Variants in CERKL observed in about 807,000 individuals in gnomAD.
CERKL encodes CERK like autophagy regulator.
In CERKL, 61 loss-of-function variants were observed where a neutral mutation model predicts 63.4. The observed-to-expected ratio is 0.96, with a 90% CI of 0.78 to 1.19. CERKL has a LOEUF of 1.19. CERKL is among the 50% of genes most tolerant of loss of function. CERKL has a pLI of 0.00. For missense variants in CERKL, 675 were observed against 655.5 expected, an observed-to-expected ratio of 1.03 and a Z score of -0.33; for synonymous variants, 250 against 230.5, an observed-to-expected ratio of 1.08 and a Z score of -0.77.
In CERKL at chr2:181,538,157, T is replaced by G; in HGVS notation, c.*27A>C. 2 of 1,439,654 alleles carry G rather than the reference T, an allele frequency of 1.4e-6. No homozygotes were observed. The highest frequency in any genetic ancestry group is 2.0e-6 in the Non-Finnish European group (2 of 1,024,260). 89.2% of individuals were successfully genotyped at this position (1,439,654 alleles called of 1,614,324 possible). ...TTCTTTATATTAAAATTCTAGTTTGTACATTTCTTTTAGAAACAATTACAT... is the reference window on the plus strand; with the variant it reads ...TTCTTTATATTAAAATTCTAGTTTGGACATTTCTTTTAGAAACAATTACAT... On this transcript the variant is annotated 3_prime_UTR_variant, in exon 13 of 13. Transcript: ENST00000410087.
intron 1 of CERKL, among the ~76,000 whole-genome samples, chr2:181,633,963 C>G (rs1687070271): frequency 6.6e-6 from 1 of 152,000 alleles, no homozygotes; most frequent in Non-Finnish European, 1.5e-5. Context: ...CTTTCAGGAC[C>G]AATAGACAGA....
At chr2:181,592,705 A>G (rs944453594) in intron 2 of CERKL, among the ~76,000 whole-genome samples, 2 of 152,210 alleles carry the variant, frequency 1.3e-5, no homozygotes, top group Non-Finnish European at 2.9e-5. Context: ...GTGGGGACAG[A>G]CTGCCTGAGT....
chr2:181,638,111 T>A (rs777477964), intron 1 of CERKL, among the ~76,000 whole-genome samples: 9 of 152,170 alleles, frequency 5.9e-5, no homozygotes, highest in African/African-American at 9.7e-5. Flanking sequence ...GCACTTGAAT[T>A]GGAAGTATCA....
In CERKL at chr2:181,609,701, C is replaced by CTAAA. The variant is rs552448585; in HGVS notation, c.239-5626_239-5623dup. ...AGCCTGGGTGACTGAAACTCTGTCT[C>CTAAA]TAAATAAATAAATAAATAAATGAAG... is the stretch of plus-strand genomic sequence containing the variant. On this transcript the variant is annotated intron_variant, in intron 1 of 12. Coordinates refer to ENST00000410087, the MANE Select transcript of CERKL (RefSeq NM_201548.5). Among the ~76,000 whole-genome samples the CTAAA allele has an allele frequency of 3.8e-3, 569 of 151,494 alleles. 4 individuals carry two copies. The highest frequency in any genetic ancestry group is 0.013 in the African/African-American group (527 of 41,272).
At chr2:181,634,793 C>A (rs1687104355) in intron 1 of CERKL, among the ~76,000 whole-genome samples, 1 of 152,104 alleles carries the variant, frequency 6.6e-6, no homozygotes, top group South Asian at 2.1e-4. Context: ...ATGTCCTATA[C>A]CCGCTAGTTA....
chr2:181,584,132 C>T (rs1272969714), intron 2 of CERKL, among the ~76,000 whole-genome samples: 1 of 152,038 alleles, frequency 6.6e-6, no homozygotes, highest in Non-Finnish European at 1.5e-5. Context: ...AATATGGGTG[C>T]CCACTGGAAT....
At chr2:181,565,031 A>G (rs1688603093) in intron 4 of CERKL, among the ~76,000 whole-genome samples, 1 of 152,124 alleles carries the variant, frequency 6.6e-6, no homozygotes, top group South Asian at 2.1e-4. Context: ...TTTACTTACC[A>G]CATTTTCTTT....
At chr2:181,573,475 T>C (rs1221118115) in intron 3 of CERKL, among the ~76,000 whole-genome samples, 1 of 152,166 alleles carries the variant, frequency 6.6e-6, no homozygotes, top group Non-Finnish European at 1.5e-5. Context: ...CATGAAGATG[T>C]AAACAAGTAT....
At chr2:181,600,214 A>G (rs746269345) in intron 2 of CERKL, among the ~76,000 whole-genome samples, 19 of 152,252 alleles carry the variant, frequency 1.2e-4, no homozygotes, top group Non-Finnish European at 2.5e-4. Flanking sequence ...AGTTCTAAAC[A>G]TGGAAACAAA....
chr2:181,604,147 G>A (rs1183673003), intron 1 of CERKL, 68 bp from the exon 2 acceptor site: 5 of 1,300,438 alleles, frequency 3.8e-6, no homozygotes, highest in Non-Finnish European at 5.4e-6. Context: ...AGACACTGGG[G>A]CTTACCAGAG....
At chr2:181,576,030 T>C (rs1010733117) in intron 2 of CERKL, among the ~76,000 whole-genome samples, 3 of 152,160 alleles carry the variant, frequency 2.0e-5, no homozygotes, top group Non-Finnish European at 2.9e-5. Context: ...AGGACGCAGA[T>C]GGAAGACTCA....
chr2:181,572,442 T>C (rs1688945674), intron 3 of CERKL, among the ~76,000 whole-genome samples: 1 of 152,216 alleles, frequency 6.6e-6, no homozygotes, highest in African/African-American at 2.4e-5. Context: ...GTTAAGCTGC[T>C]TTGTAGTATT....
At chr2:181,609,400 A>G (rs1032979102) in intron 1 of CERKL, among the ~76,000 whole-genome samples, 6 of 151,626 alleles carry the variant, frequency 4.0e-5, no homozygotes, top group African/African-American at 1.5e-4. Context: ...AAAATGTTTT[A>G]AAAGCAATGA....
intron 2 of CERKL, among the ~76,000 whole-genome samples, chr2:181,588,004 CTG>C (rs1175506710): frequency 2.0e-5 from 3 of 152,028 alleles, no homozygotes. Context: ...TAAAAATAAA[CTG>C]TATATTTATC....
chr2:181,637,389 C>A (rs1243948181), intron 1 of CERKL, among the ~76,000 whole-genome samples: 2 of 152,132 alleles, frequency 1.3e-5, no homozygotes, highest in African/African-American at 2.4e-5. Context: ...ATCCAAATTT[C>A]TCCAACAGAG....
intron 11 of CERKL, among the ~76,000 whole-genome samples, chr2:181,543,559 G>A (rs1008020128): frequency 1.3e-5 from 2 of 152,148 alleles, no homozygotes; most frequent in Non-Finnish European, 2.9e-5. Context: ...AATATAATGA[G>A]GCAAAAATGG....
chr2:181,537,804 A>C lies in CERKL; in HGVS notation c.*380T>G, dbSNP rs1559064867. 1 of 466,516 alleles carries C rather than the reference A, an allele frequency of 2.1e-6. No homozygotes were observed. The highest frequency in any genetic ancestry group is 2.3e-5 in the Admixed American group (1 of 42,586). The allele number at this position is 466,516 out of a possible 1,614,324, so 28.9% of individuals were successfully genotyped here. A position where few individuals can be genotyped will look rare whatever the true frequency, so the allele number is the denominator to read the frequency against. ...GAATTGATATTTCATCTTGACTTTT[A>C]AAGCCCTAGAGGCTAATTGTTAGTA... is the stretch of plus-strand genomic sequence containing the variant. On this transcript the variant is annotated 3_prime_UTR_variant, in exon 13 of 13. Coordinates refer to ENST00000410087, the MANE Select transcript of CERKL (RefSeq NM_201548.5).
intron 1 of CERKL, among the ~76,000 whole-genome samples, chr2:181,610,982 T>C (rs915888169): frequency 2.6e-5 from 4 of 152,140 alleles, no homozygotes; most frequent in African/African-American, 9.7e-5. Context: ...CCCAGCACTT[T>C]GGGAGGCTGA....
chr2:181,557,399 T>C (rs1452956323), intron 5 of CERKL, among the ~76,000 whole-genome samples: 3 of 152,190 alleles, frequency 2.0e-5, no homozygotes, highest in Non-Finnish European at 4.4e-5. Flanking sequence ...CTTTAATCCA[T>C]CTTGAATTAA....
Sources: gnomAD v4.1 joint callset for allele counts (sites outside exome capture counted in the v4.1 genomes callset) on GRCh38, gnomAD v4.1.1 for gene constraint, MANE v1.5 for transcripts, NCBI Gene and HGNC (gene_info 2026-07-23, HGNC 2026-07-21) for gene names.